KANK1: variants seen among roughly 807,000 people sequenced by gnomAD.
KANK1 encodes KN motif and ankyrin repeat domain-containing protein 1.
KANK1 carries 109 observed loss-of-function variants against 106.2 expected under a neutral mutation model. The ratio of observed to expected loss-of-function variants is 1.03; its 90% CI spans 0.88 to 1.20. KANK1 has a LOEUF of 1.20. Among genes scored for constraint, KANK1 ranks in the 50% most tolerant of loss-of-function variants. The pLI is 0.00. For missense variants in KANK1, 2,399 were observed against 1,710.7 expected (o/e 1.40, Z -7.10); for synonymous variants, 873 against 652.2 (o/e 1.34, Z -5.16).
intron 1 of KANK1, among the ~76,000 whole-genome samples, chr9:668,133 G>T (rs1845082821): frequency 6.6e-6 from 1 of 152,152 alleles, no homozygotes; most frequent in Admixed American, 6.5e-5. Flanking sequence ...CTTGTTTTGT[G>T]GCCTAAAATA....
intron 2 of KANK1, chr9:707,337 T>G: frequency 1.6e-6 from 1 of 621,032 alleles, no homozygotes; most frequent in Non-Finnish European, 2.0e-6. Context: ...AGGTGCGCAC[T>G]GCTGGGCCGC....
At chr9:623,342 C>G (rs1335313811) in intron 1 of KANK1, among the ~76,000 whole-genome samples, 1 of 152,000 alleles carries the variant, frequency 6.6e-6, no homozygotes, top group Non-Finnish European at 1.5e-5. Context: ...GTAATCTCAC[C>G]ATTTTGGGAA....
chr9:478,440 G>C (rs1393459369), intron 3 of KANK1: 1 of 152,320 alleles, frequency 6.6e-6, no homozygotes, highest in African/African-American at 2.4e-5. Context: ...GTCTGCATGA[G>C]TGCCTTTGTG....
chr9:609,712 T>C (rs1022802702), intron 1 of KANK1, among the ~76,000 whole-genome samples: 1 of 152,186 alleles, frequency 6.6e-6, no homozygotes, highest in Non-Finnish European at 1.5e-5. Flanking sequence ...TTTAATCTAT[T>C]GGTACTTCTT....
chr9:581,489 A>C (rs937536586), intron 1 of KANK1, among the ~76,000 whole-genome samples: 3 of 149,752 alleles, frequency 2.0e-5, no homozygotes, highest in Admixed American at 6.6e-5. Context: ...TGTTGAACTA[A>C]GAAAATACAT....
intron 1 of KANK1, among the ~76,000 whole-genome samples, chr9:592,610 A>C (rs1368317018): frequency 6.6e-6 from 1 of 151,922 alleles, no homozygotes; most frequent in African/African-American, 2.4e-5. Flanking sequence ...TACATCTCTA[A>C]CCACAAGATT....
chr9:617,057 G>C (rs974048859), intron 1 of KANK1, among the ~76,000 whole-genome samples: 2 of 152,050 alleles, frequency 1.3e-5, no homozygotes, highest in Admixed American at 6.5e-5. Flanking sequence ...TAGTCTAAGA[G>C]AGAATAATTT....
intron 1 of KANK1, among the ~76,000 whole-genome samples, chr9:632,463 G>A (rs992051663): frequency 6.6e-6 from 1 of 152,158 alleles, no homozygotes; most frequent in Non-Finnish European, 1.5e-5. Context: ...TGAGAGCATG[G>A]AAAAGATAAT....
intron 1 of KANK1, among the ~76,000 whole-genome samples, chr9:607,968 C>G (rs556384668): frequency 2.9e-4 from 43 of 149,550 alleles, no homozygotes; most frequent in African/African-American, 1.0e-3. Flanking sequence ...TATAATTTAT[C>G]TAGTACCATG....
chr9:741,632 C>T (rs1359079600), intron 9 of KANK1, among the ~76,000 whole-genome samples: 8 of 152,112 alleles, frequency 5.3e-5, no homozygotes, highest in South Asian at 4.2e-4. Context: ...GGACTACAGG[C>T]GCCCACCCCC....
chr9:604,972 T>C (rs1828723457), intron 1 of KANK1, among the ~76,000 whole-genome samples: 1 of 151,856 alleles, frequency 6.6e-6, no homozygotes, highest in South Asian at 2.1e-4. Flanking sequence ...AATTGGGCAA[T>C]GTCTGACAGT....
intron 9 of KANK1, 129 bp from the exon 10 acceptor site, chr9:742,076 G>T (rs189028356): frequency 3.2e-5 from 25 of 775,698 alleles, no homozygotes; most frequent in Non-Finnish European, 4.7e-5. Flanking sequence ...CCTGCCCCAA[G>T]TAGTTCCATC....
chr9:481,930 G>T (rs1440524084), intron 3 of KANK1, among the ~76,000 whole-genome samples: 3 of 152,162 alleles, frequency 2.0e-5, no homozygotes, highest in Non-Finnish European at 1.5e-5. Context: ...GGACAAACAA[G>T]AAGCCCAGGG....
chr9:674,935 C>A (rs1816080733), intron 1 of KANK1, among the ~76,000 whole-genome samples: 1 of 152,034 alleles, frequency 6.6e-6, no homozygotes, highest in African/African-American at 2.4e-5. Flanking sequence ...AAACTCCTGA[C>A]CTCAGGTGAT....
At chr9:584,162 G>T (rs1232240476) in intron 1 of KANK1, among the ~76,000 whole-genome samples, 1 of 152,078 alleles carries the variant, frequency 6.6e-6, no homozygotes, top group Non-Finnish European at 1.5e-5. Flanking sequence ...TATTAAAATG[G>T]ATTATTGATC....
At chr9:484,946 AGTT>A (rs937411870) in intron 3 of KANK1, among the ~76,000 whole-genome samples, 2 of 151,726 alleles carry the variant, frequency 1.3e-5, no homozygotes, top group African/African-American at 4.9e-5. Context: ...AAAAAAAAAA[AGTT>A]AGGCCTCATA....
intron 1 of KANK1, among the ~76,000 whole-genome samples, chr9:512,220 CAT>C (rs1332729997): frequency 2.1e-5 from 3 of 142,610 alleles, no homozygotes; most frequent in African/African-American, 5.9e-5. Context: ...TCCAGAGAAA[CAT>C]AACCAATAGT....
rs750427993 is a variant in KANK1, at chr9:732,486, G to A, written c.3114G>A (p.Glu1038=). ...IEYPLEEEEE[E]EDEDTRGMAE... is the part of the protein sequence containing the mutation. ...ATCCTCTTGAAGAAGAGGAGGAGGA[G>A]GAGGATGAAGACACTCGGGGAATGG... The change falls in exon 6 of 12, where the codon GAG becomes GAA. Residue 1038 remains glutamate (E), a synonymous_variant. Coordinates refer to ENST00000382297, the MANE Select transcript of KANK1 (RefSeq NM_015158.5). 6 of 1,614,148 alleles carry A rather than the reference G, an allele frequency of 3.7e-6. No homozygotes were observed. The highest frequency in any genetic ancestry group is 5.1e-6 in the Non-Finnish European group (6 of 1,180,030).
At chr9:697,074 A>ATC (rs1005310553) in intron 2 of KANK1, among the ~76,000 whole-genome samples, 9 of 110,680 alleles carry the variant, frequency 8.1e-5, no homozygotes, top group African/African-American at 3.0e-4. Context: ...TATTTGTTCC[A>ATC]TCTGTGTGTG....
Sources: gnomAD v4.1 joint callset for allele counts (sites outside exome capture counted in the v4.1 genomes callset) on GRCh38, gnomAD v4.1.1 for gene constraint, MANE v1.5 for transcripts, NCBI Gene and HGNC (gene_info 2026-07-23, HGNC 2026-07-21) for gene names.